Variants in CNGB1 observed in about 807,000 individuals in gnomAD.
CNGB1 encodes the protein cyclic nucleotide gated channel subunit beta 1, also known as cyclic nucleotide-gated channel beta-1.
A neutral mutation model predicts 151.7 loss-of-function variants in CNGB1; 126 were observed. That is an observed-to-expected ratio of 0.83 (90% CI 0.72 to 0.96). CNGB1 has a LOEUF of 0.96. CNGB1 is among the 40% of genes least tolerant of loss of function. The pLI, the probability that CNGB1 is intolerant of heterozygous loss-of-function variation, is 0.00. For missense variants in CNGB1, 1,698 were observed against 1,627.0 expected (o/e 1.04, Z -0.75); for synonymous variants, 623 against 635.1 (o/e 0.98, Z 0.29).
At chr16:57,905,568 A>G (rs1349927309) in intron 25 of CNGB1, among the ~76,000 whole-genome samples, 1 of 152,258 alleles carries the variant, frequency 6.6e-6, no homozygotes, top group Non-Finnish European at 1.5e-5. Context: ...CAAGTGCTCC[A>G]GTCTGAATGT....
At chr16:57,889,792 C>T (rs565834409) in intron 31 of CNGB1, among the ~76,000 whole-genome samples, 15 of 152,314 alleles carry the variant, frequency 9.8e-5, no homozygotes, top group African/African-American at 3.4e-4. Context: ...CAAACCCACA[C>T]TTCTGACCCC....
chr16:57,939,036 C>A (rs1961587812), intron 16 of CNGB1, among the ~76,000 whole-genome samples: 1 of 152,162 alleles, frequency 6.6e-6, no homozygotes, highest in Non-Finnish European at 1.5e-5. Context: ...GGGCGGTAGC[C>A]CAAGAGCTGC....
Position 57,884,287 on chromosome 16 carries a change from C to T in CNGB1, c.3633G>A (p.Glu1211=). 6.2e-7 allele frequency: 1 copy of T among 1,613,478 alleles called. No homozygotes were observed. Among genetic ancestry groups the T allele is most frequent in the Non-Finnish European group, 8.5e-7 (1 of 1,179,838 alleles). Residue 1211 remains glutamate, a synonymous_variant, in exon 33 of 33, where the codon GAG becomes GAA. Transcript: ENST00000251102. ...CTTCGGGCTCGGCCGGCCCCTCCTC[C>T]TCTCCCTCCGGCCTCCCAAGGGAGG... ...PPASLGRPEG[E]EEGPAEPEEH... is the part of the protein sequence containing the mutation.
chr16:57,915,186 G>A (rs1960829384), intron 23 of CNGB1, 63 bp downstream of exon 23: 1 of 1,341,578 alleles, frequency 7.5e-7, no homozygotes, highest in African/African-American at 1.4e-5. Flanking sequence ...ACACGAAGAT[G>A]CCAGTGTCGG....
chr16:57,965,171 A>C (rs551283320), intron 2 of CNGB1, among the ~76,000 whole-genome samples: 1 of 152,384 alleles, frequency 6.6e-6, no homozygotes, highest in Non-Finnish European at 1.5e-5. Context: ...CAATGTGAGC[A>C]TATATACACA....
intron 16 of CNGB1, among the ~76,000 whole-genome samples, chr16:57,939,103 G>C (rs2149375777): frequency 6.6e-6 from 1 of 152,146 alleles, no homozygotes; most frequent in East Asian, 1.9e-4. Context: ...GCTGGGAGGG[G>C]CTGGTTAGGA....
At chr16:57,899,484 A>T (rs1960326923) in intron 29 of CNGB1, among the ~76,000 whole-genome samples, 1 of 152,112 alleles carries the variant, frequency 6.6e-6, no homozygotes, top group Admixed American at 6.6e-5. Context: ...GACTAAAAAT[A>T]AAAAAATGAG....
intron 13 of CNGB1, 48 bp from the exon 14 acceptor site, chr16:57,949,487 G>A (rs533674497): frequency 3.7e-5 from 59 of 1,611,092 alleles, no homozygotes; most frequent in East Asian, 1.3e-4. Flanking sequence ...AAGCTGCCCC[G>A]CTGAGTCTAC....
In CNGB1 at chr16:57,912,862, T is replaced by C. The variant is rs1960765454; in HGVS notation, c.2369+68A>G. 8 of 1,462,664 alleles carry C rather than the reference T, an allele frequency of 5.5e-6. No individual in the cohort carries two copies. In the Admixed American group the frequency reaches 1.2e-4, roughly 22 times the overall value. The allele number at this position is 1,462,664 out of a possible 1,614,324, so 90.6% of individuals were successfully genotyped here. Reference sequence around the variant, plus strand: ...GTGTGTCATCTGTGTTGTGTGTGTATTGCGTGTGTTGTGTGTTTGTGAGTG... The same window carrying C: ...GTGTGTCATCTGTGTTGTGTGTGTACTGCGTGTGTTGTGTGTTTGTGAGTG... On this transcript the variant is annotated intron_variant, in intron 24 of 32. Coordinates refer to ENST00000251102, the MANE Select transcript of CNGB1 (RefSeq NM_001297.5).
intron 17 of CNGB1, among the ~76,000 whole-genome samples, chr16:57,929,125 C>G (rs1360968714): frequency 1.3e-5 from 2 of 152,168 alleles, no homozygotes; most frequent in African/African-American, 4.8e-5. Context: ...ATAAAAGAAA[C>G]TCCTACACCT....
intron 25 of CNGB1, among the ~76,000 whole-genome samples, chr16:57,910,116 C>T (rs1337102321): frequency 2.6e-5 from 4 of 152,174 alleles, no homozygotes; most frequent in South Asian, 2.1e-4. Context: ...AGGGCTTTCC[C>T]GAGTTACCTG....
intron 16 of CNGB1, among the ~76,000 whole-genome samples, chr16:57,933,784 G>T (rs1445105931): frequency 3.3e-4 from 48 of 144,472 alleles, no homozygotes; most frequent in Non-Finnish European, 1.5e-4. Context: ...GTATAGTGGT[G>T]TGATCTCGGC....
At chr16:57,922,517 C>T (rs559041954) in intron 18 of CNGB1, among the ~76,000 whole-genome samples, 68 of 151,546 alleles carry the variant, frequency 4.5e-4, no homozygotes, top group Admixed American at 1.7e-3. Context: ...CAACCTCTAC[C>T]TCCCAGGTTC....
chr16:57,911,371 C>T (rs1251581819), intron 25 of CNGB1, among the ~76,000 whole-genome samples: 2 of 152,194 alleles, frequency 1.3e-5, no homozygotes, highest in Admixed American at 1.3e-4. Context: ...TCATTGCAAC[C>T]TCCGCCTCCT....
intron 12 of CNGB1, chr16:57,955,170 C>T: frequency 6.7e-7 from 1 of 1,500,986 alleles, no homozygotes; most frequent in Non-Finnish European, 8.9e-7. Context: ...GTGCAGGTGA[C>T]TCTGGCTCCC....
At chr16:57,916,296 GACCAT>G in intron 21 of CNGB1, 117 bp from the exon 22 acceptor site, 2 of 990,294 alleles carry the variant, frequency 2.0e-6, no homozygotes, top group Non-Finnish European at 3.2e-6. Flanking sequence ...ACAGCCCAAG[GACCAT>G]CTGAGCCTTG....
chr16:57,899,322 G>GA (rs138941043), intron 29 of CNGB1, among the ~76,000 whole-genome samples: 7 of 150,806 alleles, frequency 4.6e-5, no homozygotes, highest in Non-Finnish European at 7.4e-5. Context: ...GAGGTCTACA[G>GA]AAAAAAAAAA....
chr16:57,968,096 A>G (rs1962445659), intron 1 of CNGB1, among the ~76,000 whole-genome samples: 1 of 152,232 alleles, frequency 6.6e-6, no homozygotes, highest in African/African-American at 2.4e-5. Context: ...TCAAGTCATG[A>G]GCAGATCAGT....
chr16:57,939,601 A>G lies in CNGB1; in HGVS notation c.1210-9T>C. The G allele has an allele frequency of 6.2e-7, 1 of 1,614,166 alleles. No individual in the cohort carries two copies. The highest frequency in any genetic ancestry group is 8.5e-7 in the Non-Finnish European group (1 of 1,180,032). On this transcript the variant is annotated splice_polypyrimidine_tract_variant and intron_variant, in intron 15 of 32. Coordinates refer to ENST00000251102, the MANE Select transcript of CNGB1 (RefSeq NM_001297.5). ...ACTTCCTCCCACAGCTTCTGCAGAG[A>G]ATAAAGTGAAAACAGAAACTGTGAC...
Sources: gnomAD v4.1 joint callset for allele counts (sites outside exome capture counted in the v4.1 genomes callset) on GRCh38, gnomAD v4.1.1 for gene constraint, MANE v1.5 for transcripts, NCBI Gene and HGNC (gene_info 2026-07-23, HGNC 2026-07-21) for gene names.